RGS7: variants seen among roughly 807,000 people sequenced by gnomAD.
RGS7 encodes regulator of G-protein signaling 7.
Under a neutral mutation model 81.1 loss-of-function variants are expected in RGS7, and 27 were observed. The ratio of observed to expected loss-of-function variants is 0.33; its 90% CI spans 0.25 to 0.46. The LOEUF (loss-of-function observed/expected upper bound fraction) is 0.46. Among genes scored for constraint, RGS7 ranks in the 20% least tolerant of loss-of-function variants. The probability of loss-of-function intolerance (pLI) is 1.00; values close to 1 mark genes in which losing one functional copy is unlikely to be tolerated. For missense variants in RGS7, 396 were observed against 607.4 expected, an observed-to-expected ratio of 0.65 and a Z score of 3.66; for synonymous variants, 208 against 207.7, an observed-to-expected ratio of 1.00 and a Z score of -0.01.
chr1:241,291,865 T>C (rs932279242), intron 2 of RGS7, among the ~76,000 whole-genome samples: 2 of 152,124 alleles, frequency 1.3e-5, no homozygotes, highest in Admixed American at 6.5e-5. Context: ...TGAGCCACCA[T>C]GCCCAGCCAG....
intron 4 of RGS7, among the ~76,000 whole-genome samples, chr1:240,962,509 A>C (rs765211264): frequency 1.9e-4 from 29 of 152,190 alleles, no homozygotes; most frequent in Non-Finnish European, 4.4e-5. Flanking sequence ...TAGGAGAACA[A>C]AACCCACTAG....
rs143963620 is a variant in RGS7 at position 240,857,049 on chromosome 1, C to T, written c.609+11538G>A. On this transcript the variant is annotated intron_variant, in intron 9 of 18. Transcript: ENST00000440928. ...CACAGTGGAACAACCATCAGCTTTT[C>T]TATATAGGTGGACCTGATGTTAGGC... Among the ~76,000 whole-genome samples the T allele has an allele frequency of 4.0e-3, 615 of 152,250 alleles. 6 individuals carry two copies. Among genetic ancestry groups the T allele is most frequent in the African/African-American group, 0.014 (595 of 41,526 alleles).
chr1:240,922,182 T>A (rs1309087467), intron 6 of RGS7, among the ~76,000 whole-genome samples: 1 of 151,612 alleles, frequency 6.6e-6, no homozygotes. Context: ...GCAAAAAAAA[T>A]AAATATAGAC....
At position 241,200,099 on chromosome 1, in the gene RGS7, C is replaced by G. The variant is rs57769634; in HGVS notation, c.79-101337G>C. On this transcript the variant is annotated intron_variant, in intron 2 of 18. Transcript: ENST00000440928. ...TAGTAACAACTCCAAAGCCTTGGTT[C>G]CTTCAGTTAAGGCGACCACTGAAGT... 1.8e-3 allele frequency among the ~76,000 whole-genome samples: 280 copies of G among 152,184 alleles called. 2 individuals carry two copies. The highest frequency in any genetic ancestry group is 6.3e-3 in the African/African-American group (263 of 41,508).
At chr1:240,981,400 G>A (rs146733969) in intron 4 of RGS7, among the ~76,000 whole-genome samples, 131 of 152,104 alleles carry the variant, frequency 8.6e-4, no homozygotes, top group African/African-American at 2.8e-3. Context: ...ATGAGTCACC[G>A]CGCCTGACCC....
intron 10 of RGS7, among the ~76,000 whole-genome samples, chr1:240,823,884 A>T (rs1335125412): frequency 6.9e-6 from 1 of 144,622 alleles, no homozygotes; most frequent in Admixed American, 7.3e-5. Context: ...AATCTATTAC[A>T]GTAAAAATTT....
chr1:240,948,284 T>C (rs1197363765), intron 4 of RGS7, among the ~76,000 whole-genome samples: 1 of 152,180 alleles, frequency 6.6e-6, no homozygotes, highest in Non-Finnish European at 1.5e-5. Context: ...GTTTGCTTGA[T>C]CTACTCTCTG....
intron 2 of RGS7, among the ~76,000 whole-genome samples, chr1:241,254,225 G>T (rs1011362208): frequency 6.7e-6 from 1 of 150,108 alleles, no homozygotes; most frequent in South Asian, 2.1e-4. Flanking sequence ...AAGAAAGAAA[G>T]AAATTAGTGG....
chr1:241,101,196 A>T (rs186534996), intron 2 of RGS7, among the ~76,000 whole-genome samples: 1 of 152,334 alleles, frequency 6.6e-6, no homozygotes, highest in Non-Finnish European at 1.5e-5. Flanking sequence ...TCAGAAATCA[A>T]GTATAAAAAG....
chr1:240,828,359 A>C (rs560775271), intron 9 of RGS7, among the ~76,000 whole-genome samples: 10 of 152,212 alleles, frequency 6.6e-5, no homozygotes, highest in Admixed American at 1.3e-4. Flanking sequence ...AAGACAGGAG[A>C]TTCAAAAATA....
chr1:241,113,319 A>G (rs1026012709), intron 2 of RGS7, among the ~76,000 whole-genome samples: 1 of 152,172 alleles, frequency 6.6e-6, no homozygotes, highest in Non-Finnish European at 1.5e-5. Context: ...CGAACATCAG[A>G]AGGTCATGGC....
At chr1:241,142,677 C>T (rs1183004364) in intron 2 of RGS7, among the ~76,000 whole-genome samples, 3 of 152,202 alleles carry the variant, frequency 2.0e-5, no homozygotes, top group Non-Finnish European at 2.9e-5. Flanking sequence ...GGCCTCCAGG[C>T]CTGTGATGGG....
rs146292850 is a variant in RGS7, at chr1:240,840,752, G to A, written c.610-13580C>T. 4.5e-3 allele frequency among the ~76,000 whole-genome samples: 689 copies of A among 152,300 alleles called. 2 individuals carry two copies. Among genetic ancestry groups the A allele is most frequent in the Admixed American group, 7.1e-3 (108 of 15,298 alleles). ...TTTGTTTTCTCTGTCTTTCACCACT[G>A]AGGGGTAAATTCCTCAAATACAGGG... On this transcript the variant is annotated intron_variant, in intron 9 of 18. Coordinates refer to ENST00000440928, the MANE Select transcript of RGS7 (RefSeq NM_001364886.1).
chr1:241,219,262 G>A (rs1005920069), intron 2 of RGS7, among the ~76,000 whole-genome samples: 1 of 152,050 alleles, frequency 6.6e-6, no homozygotes, highest in Non-Finnish European at 1.5e-5. Context: ...CTGTTCCTGT[G>A]GTAGTGAATA....
At chr1:240,933,162 G>A (rs963572391) in intron 5 of RGS7, among the ~76,000 whole-genome samples, 7 of 151,754 alleles carry the variant, frequency 4.6e-5, no homozygotes, top group Non-Finnish European at 7.4e-5. Flanking sequence ...GATTACAGGT[G>A]TGAGCCACCG....
At position 241,302,275 on chromosome 1, in the gene RGS7, C is replaced by T. The variant is rs536952614; in HGVS notation, c.78+53424G>A. ...AAAACTTTGGCTTCGGCCGGCCGGG[C>T]GCGGTGGCTTACGCCTGTAATCCCA... On this transcript the variant is annotated intron_variant, in intron 2 of 18. Transcript: ENST00000440928. 2.1e-4 allele frequency among the ~76,000 whole-genome samples: 32 copies of T among 152,200 alleles called. 1 individual carries two copies. The highest frequency in any genetic ancestry group is 1.9e-3 in the South Asian group (9 of 4,828).
At chr1:240,926,849 T>C (rs1674525188) in intron 6 of RGS7, among the ~76,000 whole-genome samples, 1 of 152,224 alleles carries the variant, frequency 6.6e-6, no homozygotes, top group Non-Finnish European at 1.5e-5. Context: ...TATAAAGATA[T>C]AGGCCTTTTA....
intron 9 of RGS7, among the ~76,000 whole-genome samples, chr1:240,859,317 T>C (rs1033362027): frequency 2.0e-5 from 3 of 152,080 alleles, no homozygotes; most frequent in African/African-American, 4.8e-5. Flanking sequence ...TTTAATTGAA[T>C]AGGTTAATCT....
intron 2 of RGS7, among the ~76,000 whole-genome samples, chr1:241,275,144 G>A (rs541469148): frequency 1.3e-4 from 20 of 152,298 alleles, no homozygotes; most frequent in African/African-American, 4.8e-4. Context: ...CATAAAGCCT[G>A]AATATAGCTG....
Sources: allele counts gnomAD v4.1 joint callset (sites outside exome capture counted in the v4.1 genomes callset), GRCh38; gene constraint gnomAD v4.1.1; transcripts MANE v1.5; gene names NCBI Gene and HGNC (gene_info 2026-07-23, HGNC 2026-07-21).